Variants in STK25 observed in about 807,000 individuals in gnomAD.
STK25 encodes the protein serine/threonine-protein kinase 25.
A neutral mutation model predicts 53.8 loss-of-function variants in STK25; 29 were observed. That is an observed-to-expected ratio of 0.54 (90% confidence interval 0.40 to 0.74). The LOEUF (loss-of-function observed/expected upper bound fraction) is 0.74, where lower values mean the gene tolerates loss of function less well. Among genes scored for constraint, STK25 ranks in the 30% least tolerant of loss-of-function variants. The pLI, the probability that STK25 is intolerant of heterozygous loss-of-function variation, is 0.00. For missense variants in STK25, 420 were observed against 568.0 expected (o/e 0.74, Z 2.65); for synonymous variants, 247 against 238.3 (o/e 1.04, Z -0.33).
intron 2 of STK25, among the ~76,000 whole-genome samples, chr2:241,503,450 C>T (rs1014613150): frequency 6.6e-6 from 1 of 150,720 alleles, no homozygotes; most frequent in Non-Finnish European, 1.5e-5. Flanking sequence ...CGGTGGTTCA[C>T]GCCTGTAATC....
intron 7 of STK25, 89 bp from the exon 8 acceptor site, chr2:241,498,873 G>A: frequency 1.2e-6 from 2 of 1,605,880 alleles, no homozygotes; most frequent in South Asian, 1.1e-5. Context: ...ACCGGGGCGG[G>A]CCCTCACAGC....
At chr2:241,499,972 C>T (rs2124969886) in intron 5 of STK25, 3 of 675,786 alleles carry the variant, frequency 4.4e-6, no homozygotes, top group Middle Eastern at 2.4e-4. Flanking sequence ...AGCTGGTTTC[C>T]TCAGCGTACA....
chr2:241,505,481 C>G (rs533196968), intron 2 of STK25, among the ~76,000 whole-genome samples: 1 of 152,254 alleles, frequency 6.6e-6, no homozygotes, highest in South Asian at 2.1e-4. Flanking sequence ...GGCAGCATTA[C>G]CCAGCACCAC....
intron 2 of STK25, among the ~76,000 whole-genome samples, chr2:241,507,614 AC>A (rs1263238470): frequency 6.6e-6 from 1 of 152,038 alleles, no homozygotes; most frequent in Non-Finnish European, 1.5e-5. Flanking sequence ...GGCCAGAATG[AC>A]CCGCGGCCCA....
Position 241,507,953 on chromosome 2 carries a change from CTG to C in STK25, c.30+51_30+52del, listed in dbSNP as rs1041253389. 11 of 1,518,104 alleles carry C rather than the reference CTG, an allele frequency of 7.2e-6. No individual in the cohort carries two copies. The African/African-American group carries it at 1.5e-4, about 21-fold the overall frequency. The allele number at this position is 1,518,104 out of a possible 1,614,324, so 94.0% of individuals were successfully genotyped here. On this transcript the variant is annotated intron_variant, in intron 2 of 11. Transcript: ENST00000316586. The stretch of plus-strand genomic sequence containing the variant: ...CTCCCCTCTGAACCCCCAGGAGACT[CTG>C]GAGCCCCTCGGTGAGAGGCCGCTAG...
At chr2:241,507,967 T>A in intron 2 of STK25, 39 bp downstream of exon 2, 2 of 1,542,946 alleles carry the variant, frequency 1.3e-6, no homozygotes, top group South Asian at 1.2e-5. Context: ...AGCCCCTCGG[T>A]GAGAGGCCGC....
At position 241,496,493 on chromosome 2, in the gene STK25, C is replaced by T. The variant is rs781489939; in HGVS notation, c.1146G>A (p.Ala382=). The stretch of plus-strand genomic sequence containing the variant: ...TGAAGGCGTTCTCCAGCTCCTCCAG[C>T]GCACCCACGCTCCCGCCGCTCTGCT... ...KHKQSGGSVG[A]LEELENAFSL... is the part of the protein sequence containing the mutation. The change falls in exon 11 of 12, where the codon GCG becomes GCA. Residue 382 remains alanine (A), a synonymous_variant. Coordinates refer to ENST00000316586, the MANE Select transcript of STK25 (RefSeq NM_001271977.2). The surrounding 1 kb of genome is among the most constrained non-coding windows in gnomAD (Gnocchi z 5.8). 3.6e-5 allele frequency: 58 copies of T among 1,613,348 alleles called. 2 individuals carry two copies. The East Asian group carries it at 6.9e-4, about 19-fold the overall frequency.
chr2:241,495,725 T>C (rs755466680), intron 11 of STK25, 24 bp from the exon 12 acceptor site: 2 of 1,613,678 alleles, frequency 1.2e-6, no homozygotes, highest in Non-Finnish European at 8.5e-7. Context: ...AGCCCACTGC[T>C]GCGTGCGTGC....
Position 241,498,240 on chromosome 2 carries a change from G to A in STK25, c.1027C>T (p.Gln343Ter), listed in dbSNP as rs1251752394. ...LHKGTALHSS[Q>*]KPAEPVKRQP... is the part of the protein sequence containing the mutation. ...AGGCCAGGCCAGGAACAGACCTTCT[G>A]TGAACTGTGCAGGGCCGTCCCCTTG... Residue 343 changes from glutamine (Q) to a stop codon, truncating the protein, a stop_gained, in exon 9 of 12, where the codon CAG becomes TAG. Transcript: ENST00000316586. LOFTEE classifies it high-confidence loss of function. The A allele has an allele frequency of 1.2e-6, 2 of 1,613,282 alleles. No individual in the cohort carries two copies. Among genetic ancestry groups the A allele is most frequent in the Non-Finnish European group, 1.7e-6 (2 of 1,179,584 alleles).
Position 241,492,855 on chromosome 2 carries a change from T to C in STK25, c.*2807A>G. 1 of 842,624 alleles carries C rather than the reference T, an allele frequency of 1.2e-6. No homozygotes were observed. The highest frequency in any genetic ancestry group is 1.4e-5 in the South Asian group (1 of 70,932). The allele number at this position is 842,624 out of a possible 1,614,324, so 52.2% of individuals were successfully genotyped here. A position where few individuals can be genotyped will look rare whatever the true frequency, so the allele number is the denominator to read the frequency against. On this transcript the variant is annotated 3_prime_UTR_variant, in exon 12 of 12. Transcript: ENST00000316586. The stretch of plus-strand genomic sequence containing the variant: ...GGAGAAAGCATGCAGAGGCTTAGTC[T>C]TGGGGAGCAAACCCACTCCCACAAG...
At chr2:241,497,893 CCTGT>C (rs1178525458) in intron 9 of STK25, among the ~76,000 whole-genome samples, 1 of 150,152 alleles carries the variant, frequency 6.7e-6, no homozygotes, top group African/African-American at 2.4e-5. Context: ...ACTCTGAGGG[CCTGT>C]GACTCCCACC....
At chr2:241,503,993 G>C (rs1048716228) in intron 2 of STK25, 1 of 470,536 alleles carries the variant, frequency 2.1e-6, no homozygotes, top group East Asian at 7.0e-5. Context: ...GACCTCCCAG[G>C]GTTCCTAACC....
Position 241,493,785 on chromosome 2 carries a change from CAG to C in STK25, c.*1875_*1876del. ...CTAATTTTTGTATTTTTAGTAGAGA[CAG>C]GGTTTCACCATGTTGGCCAGGCTGG... On this transcript the variant is annotated 3_prime_UTR_variant, in exon 12 of 12. Transcript: ENST00000316586. The C allele has an allele frequency of 2.1e-6, 1 of 485,314 alleles. No individual in the cohort carries two copies. The highest frequency in any genetic ancestry group is 3.7e-6 in the Non-Finnish European group (1 of 272,676). The allele number at this position is 485,314 out of a possible 1,614,324, so 30.1% of individuals were successfully genotyped here. A position where few individuals can be genotyped will look rare whatever the true frequency, so the allele number is the denominator to read the frequency against.
At chr2:241,508,392 C>T in intron 1 of STK25, 51 bp downstream of exon 1, 2 of 1,119,348 alleles carry the variant, frequency 1.8e-6, no homozygotes, top group Non-Finnish European at 1.1e-6. Context: ...GGGCCCCTCC[C>T]TCTGCCCCCT....
At position 241,507,891 on chromosome 2, in the gene STK25, C is replaced by G. The variant is rs1457623720; in HGVS notation, c.30+115G>C. On this transcript the variant is annotated intron_variant, in intron 2 of 11. Coordinates refer to ENST00000316586, the MANE Select transcript of STK25 (RefSeq NM_001271977.2). The stretch of plus-strand genomic sequence containing the variant: ...GGCTCCGCTGGTCGCACGACGCGCG[C>G]TCCTTCCCTCACCCCACTGCCCGCT... 3.6e-6 allele frequency: 4 copies of G among 1,105,186 alleles called. No homozygotes were observed. In the African/African-American group the frequency reaches 6.4e-5, roughly 18 times the overall value. The allele number at this position is 1,105,186 out of a possible 1,614,324, so 68.5% of individuals were successfully genotyped here.
chr2:241,499,098 A>G lies in STK25; in HGVS notation c.662T>C (p.Met221Thr). Residue 221 changes from methionine to threonine, a missense_variant, in exon 7 of 12, where the codon ATG (methionine) becomes ACG (threonine). By Grantham distance (81) the Met-to-Thr change is moderately conservative. Transcript: ENST00000316586. ...GEPPNSDLHP[M>T]RVLFLIPKNS... Reference sequence around the variant, plus strand: ...CTTGGGAATCAGGAACAGGACGCGCATGGGGTGGAGGTCAGAGTTTGGAGG... The same window carrying G: ...CTTGGGAATCAGGAACAGGACGCGCGTGGGGTGGAGGTCAGAGTTTGGAGG... 6.2e-7 allele frequency: 1 copy of G among 1,614,098 alleles called. No individual in the cohort carries two copies. Among genetic ancestry groups the G allele is most frequent in the Non-Finnish European group, 8.5e-7 (1 of 1,179,992 alleles).
rs772078527 is a variant in STK25, at chr2:241,493,015, G to GTTCT, written c.*2643_*2646dup. On this transcript the variant is annotated 3_prime_UTR_variant, in exon 12 of 12. Coordinates refer to ENST00000316586, the MANE Select transcript of STK25 (RefSeq NM_001271977.2). ...GGGTCGTCTTTACCAACTTCTGTTT[G>GTTCT]TTCTTCTACAAAACTCATCAGGTAC... 34 of 1,604,568 alleles carry GTTCT rather than the reference G, an allele frequency of 2.1e-5. No individual in the cohort carries two copies. Among genetic ancestry groups the GTTCT allele is most frequent in the Admixed American group, 8.3e-5 (5 of 59,994 alleles).
At position 241,495,390 on chromosome 2, in the gene STK25, C is replaced by T. The variant is rs1047205426; in HGVS notation, c.*272G>A. On this transcript the variant is annotated 3_prime_UTR_variant, in exon 12 of 12. Coordinates refer to ENST00000316586, the MANE Select transcript of STK25 (RefSeq NM_001271977.2). ...CAGGCGTAGCTCATGAGGGCCACGC[C>T]GGCGGCTGGAGCCCCCGTGAGCAAT... 1.9e-5 allele frequency: 9 copies of T among 477,676 alleles called. No homozygotes were observed. The highest frequency in any genetic ancestry group is 3.9e-5 in the African/African-American group (2 of 51,184). The allele number at this position is 477,676 out of a possible 1,614,324, so 29.6% of individuals were successfully genotyped here. A position where few individuals can be genotyped will look rare whatever the true frequency, so the allele number is the denominator to read the frequency against.
chr2:241,505,769 A>G (rs951212732), intron 2 of STK25, among the ~76,000 whole-genome samples: 4 of 152,172 alleles, frequency 2.6e-5, no homozygotes, highest in African/African-American at 9.7e-5. Flanking sequence ...TGGCCCTACA[A>G]TGACATCGCA....
Sources: gnomAD v4.1 joint callset for allele counts (sites outside exome capture counted in the v4.1 genomes callset) on GRCh38, gnomAD v4.1.1 for gene constraint, Gnocchi (gnomAD v3.1) non-coding constraint, MANE v1.5 for transcripts, NCBI Gene and HGNC (gene_info 2026-07-23, HGNC 2026-07-21) for gene names.